Variants in TSPAN9 observed in about 807,000 individuals in gnomAD.
TSPAN9 encodes tetraspanin-9.
Under a neutral mutation model 31.0 loss-of-function variants are expected in TSPAN9, and 16 were observed. The ratio of observed to expected loss-of-function variants is 0.52; its 90% CI spans 0.35 to 0.78. TSPAN9 has a LOEUF of 0.78. TSPAN9 is among the 30% of genes least tolerant of loss of function. TSPAN9 has a pLI of 0.01. For synonymous variants in TSPAN9, 145 were observed against 121.6 expected, an observed-to-expected ratio of 1.19 and a Z score of -1.27; for missense variants, 272 against 312.5, an observed-to-expected ratio of 0.87 and a Z score of 0.98.
chr12:3,134,518 A>G (rs955111109), intron 2 of TSPAN9, among the ~76,000 whole-genome samples: 5 of 152,114 alleles, frequency 3.3e-5, no homozygotes, highest in Admixed American at 2.6e-4. Context: ...CCTGCCTCAT[A>G]TCTGCAAGGG....
chr12:3,095,759 C>T (rs1375921120), intron 2 of TSPAN9, among the ~76,000 whole-genome samples: 5 of 150,594 alleles, frequency 3.3e-5, no homozygotes, highest in African/African-American at 9.8e-5. Flanking sequence ...AGAGACGCTC[C>T]TCACTTCCTA....
rs982699738 is a variant in TSPAN9, at chr12:3,192,373, G to A, written c.-17-8804G>A. On this transcript the variant is annotated intron_variant, in intron 2 of 8. Transcript: ENST00000011898. This position sits in a 1 kb window ranked among gnomAD's most constrained non-coding sequence, Gnocchi z 4.6. ...CAGGGGCTGCCGCAGGACCCCAGGC[G>A]AGCCATGAAGCAGGGCTGGACAAGG... Among the ~76,000 whole-genome samples the A allele has an allele frequency of 6.6e-6, 1 of 152,128 alleles. No individual in the cohort carries two copies. Among genetic ancestry groups the A allele is most frequent in the Non-Finnish European group, 1.5e-5 (1 of 68,010 alleles).
At chr12:3,136,385 C>G (rs17768145) in intron 2 of TSPAN9, among the ~76,000 whole-genome samples, 5,241 of 152,278 alleles carry the variant, frequency 0.034, 119 homozygotes, top group Non-Finnish European at 0.051. Flanking sequence ...GTTTGTGTTA[C>G]AGTTCACGTG....
At chr12:3,223,780 G>A (rs1285628656) in intron 3 of TSPAN9, among the ~76,000 whole-genome samples, 5 of 152,186 alleles carry the variant, frequency 3.3e-5, no homozygotes, top group African/African-American at 7.2e-5. Flanking sequence ...CAGCCGTGGC[G>A]GCGGCAGCTT....
chr12:3,263,281 G>A (rs985511958), intron 3 of TSPAN9, among the ~76,000 whole-genome samples: 4 of 152,214 alleles, frequency 2.6e-5, no homozygotes, highest in Admixed American at 2.6e-4. Flanking sequence ...GGAAAACCAA[G>A]GCTCAGAGGA....
At chr12:3,169,399 T>C (rs2098350474) in intron 2 of TSPAN9, among the ~76,000 whole-genome samples, 1 of 152,314 alleles carries the variant, frequency 6.6e-6, no homozygotes, top group African/African-American at 2.4e-5. Flanking sequence ...CTCTGATTTC[T>C]AATTCTGGTT....
rs781038049 is a variant in TSPAN9, at chr12:3,201,287, C to T, written c.63+31C>T. On this transcript the variant is annotated intron_variant, in intron 3 of 8. Coordinates refer to ENST00000011898, the MANE Select transcript of TSPAN9 (RefSeq NM_006675.5). ...TCCTTCCGTTTCTCTCTCCCTTCGC[C>T]CTCTTCTCCTCCTCTTGGCTTACCA... The T allele has an allele frequency of 4.4e-6, 7 of 1,598,438 alleles. No homozygotes were observed. The African/African-American group carries it at 6.7e-5, about 15-fold the overall frequency.
intron 2 of TSPAN9, among the ~76,000 whole-genome samples, chr12:3,140,276 C>T (rs929287318): frequency 2.2e-4 from 34 of 152,102 alleles, no homozygotes; most frequent in Non-Finnish European, 4.3e-4. Flanking sequence ...AGGGGAGTCT[C>T]GGAATTTGGT....
rs1200167345 is a variant in TSPAN9 at position 3,147,317 on chromosome 12, A to G, written c.-17-53860A>G. ...GGCTGGAGAGAATGACAGGCGTCCC[A>G]TGTATCCCAAAAATGCAGTGTGGTG... On this transcript the variant is annotated intron_variant, in intron 2 of 8. Transcript: ENST00000011898. This position sits in a 1 kb window ranked among gnomAD's most constrained non-coding sequence, Gnocchi z 4.3. Among the ~76,000 whole-genome samples, 1 of 152,056 alleles carries G rather than the reference A, an allele frequency of 6.6e-6. No individual in the cohort carries two copies. Among genetic ancestry groups the G allele is most frequent in the Admixed American group, 6.5e-5 (1 of 15,286 alleles).
chr12:3,132,679 C>T (rs902469066), intron 2 of TSPAN9, among the ~76,000 whole-genome samples: 3 of 152,168 alleles, frequency 2.0e-5, no homozygotes, highest in Non-Finnish European at 2.9e-5. Flanking sequence ...CTAGGTTGGG[C>T]GAAGCCTGGC....
At chr12:3,193,110 A>T (rs1223147901) in intron 2 of TSPAN9, among the ~76,000 whole-genome samples, 3 of 152,148 alleles carry the variant, frequency 2.0e-5, no homozygotes, top group East Asian at 3.9e-4. Flanking sequence ...CAGTGGGGTA[A>T]CTCACTCTAG....
At chr12:3,227,226 A>G (rs1319959870) in intron 3 of TSPAN9, among the ~76,000 whole-genome samples, 2 of 152,216 alleles carry the variant, frequency 1.3e-5, no homozygotes, top group South Asian at 4.1e-4. Context: ...CAGCAGTTTC[A>G]TTGAACACAG....
intron 2 of TSPAN9, among the ~76,000 whole-genome samples, chr12:3,106,492 G>T (rs944782232): frequency 6.6e-6 from 1 of 152,170 alleles, no homozygotes; most frequent in African/African-American, 2.4e-5. Context: ...AGATGGGACT[G>T]GGCCTGGTGG....
chr12:3,125,733 T>C (rs2098327074), intron 2 of TSPAN9, among the ~76,000 whole-genome samples: 1 of 152,094 alleles, frequency 6.6e-6, no homozygotes, highest in African/African-American at 2.4e-5. Flanking sequence ...CTTGTTGTTG[T>C]GGCCTGCTGG....
intron 2 of TSPAN9, among the ~76,000 whole-genome samples, chr12:3,088,006 T>A (rs1327454707): frequency 1.3e-5 from 2 of 152,094 alleles, no homozygotes; most frequent in African/African-American, 4.8e-5. Context: ...TAGGAGAAGA[T>A]CCTGCCTCAG....
intron 3 of TSPAN9, among the ~76,000 whole-genome samples, chr12:3,241,890 C>T (rs1219324611): frequency 6.6e-6 from 1 of 152,246 alleles, no homozygotes. Flanking sequence ...TCCCCTGCCC[C>T]CTCCCCACCG....
intron 2 of TSPAN9, chr12:3,171,670 C>A (rs2098351930): frequency 6.6e-6 from 1 of 152,198 alleles, no homozygotes; most frequent in Non-Finnish European, 1.5e-5. Flanking sequence ...CATTCATTTA[C>A]TGCCAAATTT....
intron 3 of TSPAN9, among the ~76,000 whole-genome samples, chr12:3,202,913 C>T (rs988359017): frequency 1.3e-5 from 2 of 152,218 alleles, no homozygotes; most frequent in African/African-American, 2.4e-5. Context: ...GCCAGTGCCT[C>T]CTGGTCCTGT....
chr12:3,188,737 C>T (rs575819108), intron 2 of TSPAN9, among the ~76,000 whole-genome samples: 5 of 152,254 alleles, frequency 3.3e-5, no homozygotes, highest in South Asian at 2.1e-4. Context: ...CTGAGCCCCC[C>T]GGTGGTTTCT....
Sources: gnomAD v4.1 joint callset for allele counts (sites outside exome capture counted in the v4.1 genomes callset) on GRCh38, gnomAD v4.1.1 for gene constraint, Gnocchi (gnomAD v3.1) non-coding constraint, MANE v1.5 for transcripts, NCBI Gene and HGNC (gene_info 2026-07-23, HGNC 2026-07-21) for gene names.